TENM2: variants seen among roughly 807,000 people sequenced by gnomAD.
TENM2 encodes teneurin transmembrane protein 2.
In TENM2, 52 loss-of-function variants were observed where a neutral mutation model predicts 245.2. That is an observed-to-expected ratio of 0.21 (90% CI 0.17 to 0.27). The LOEUF (loss-of-function observed/expected upper bound fraction) is 0.27, where lower values mean the gene tolerates loss of function less well. TENM2 is among the 10% of genes least tolerant of loss of function. TENM2 has a pLI of 1.00. For missense variants in TENM2, 3,046 were observed against 3,666.8 expected (o/e 0.83, Z 4.37); for synonymous variants, 1,363 against 1,438.9 (o/e 0.95, Z 1.19).
At chr5:168,030,608 C>CT (rs976563361) in intron 5 of TENM2, among the ~76,000 whole-genome samples, 1 of 152,046 alleles carries the variant, frequency 6.6e-6, no homozygotes, top group Non-Finnish European at 1.5e-5. Flanking sequence ...AGACAGTGAG[C>CT]TTTTTGAGGG....
the TENM2 span, among the ~76,000 whole-genome samples, chr5:167,005,170 G>A: frequency 6.6e-6 from 1 of 152,102 alleles, no homozygotes; most frequent in East Asian, 1.9e-4. Flanking sequence ...TTCGAGCGAG[G>A]GCTTTCTTCG....
At chr5:167,640,883 ATAT>A (rs1779549122) in intron 2 of TENM2, among the ~76,000 whole-genome samples, 2 of 68,158 alleles carry the variant, frequency 2.9e-5, no homozygotes, top group African/African-American at 1.9e-4. Context: ...ATATATATAT[ATAT>A]ATATATATAT....
At chr5:167,597,323 G>A (rs1274161080) in intron 2 of TENM2, among the ~76,000 whole-genome samples, 6 of 151,710 alleles carry the variant, frequency 4.0e-5, no homozygotes, top group South Asian at 2.1e-4. Flanking sequence ...GCACAACCAC[G>A]CCTGGCTCAT....
At chr5:167,845,056 G>A (rs1204835281) in intron 2 of TENM2, among the ~76,000 whole-genome samples, 1 of 152,010 alleles carries the variant, frequency 6.6e-6, no homozygotes, top group East Asian at 1.9e-4. Flanking sequence ...CTGCCAAGGA[G>A]ACCCATCCAG....
At chr5:167,919,306 C>T (rs77567276) in intron 3 of TENM2, among the ~76,000 whole-genome samples, 6,117 of 152,228 alleles carry the variant, frequency 0.04, 199 homozygotes, top group Non-Finnish European at 0.062. Flanking sequence ...GGTCCCTCAC[C>T]CTCTCCCCAC....
chr5:167,798,611 G>A (rs909456399), intron 2 of TENM2, among the ~76,000 whole-genome samples: 6 of 152,278 alleles, frequency 3.9e-5, no homozygotes, highest in South Asian at 2.1e-4. Context: ...AAGACAGAGC[G>A]GGCGTAGTAT....
At chr5:168,017,829 C>T (rs945062344) in intron 5 of TENM2, among the ~76,000 whole-genome samples, 1 of 152,120 alleles carries the variant, frequency 6.6e-6, no homozygotes, top group Non-Finnish European at 1.5e-5. Context: ...AGACTGACTT[C>T]ATCGATCTTT....
intron 19 of TENM2, among the ~76,000 whole-genome samples, chr5:168,205,557 T>A (rs1357333599): frequency 6.6e-6 from 1 of 152,154 alleles, no homozygotes; most frequent in Non-Finnish European, 1.5e-5. Flanking sequence ...CTAGGTCACG[T>A]TTGGCTAGGA....
At chr5:167,203,595 G>A in the TENM2 span, among the ~76,000 whole-genome samples, 150,981 of 152,282 alleles carry the variant, frequency 0.99, 74,850 homozygotes, top group East Asian at 1. Context: ...AAAGTCCTCT[G>A]CATTTTAAGA....
intron 3 of TENM2, among the ~76,000 whole-genome samples, chr5:167,878,721 A>G (rs1437486301): frequency 3.3e-5 from 5 of 152,130 alleles, no homozygotes; most frequent in Admixed American, 1.3e-4. Flanking sequence ...TTTGACACGG[A>G]AGATGCAAAG....
chr5:167,942,742 G>T (rs1437837893), intron 3 of TENM2, among the ~76,000 whole-genome samples: 1 of 152,130 alleles, frequency 6.6e-6, no homozygotes, highest in Non-Finnish European at 1.5e-5. Flanking sequence ...CATAAGAAAG[G>T]TCTTGAGCAC....
At position 167,452,945 on chromosome 5, in the gene TENM2, A is replaced by T. The variant is rs865918123; in HGVS notation, c.502+77472A>T. On this transcript the variant is annotated intron_variant, in intron 2 of 28. Transcript: ENST00000518659. ...TAAAGTATGATTTATATATATATAT[A>T]TATATATATATATATATTTAAAAAA... is the stretch of plus-strand genomic sequence containing the variant. Among the ~76,000 whole-genome samples, 12 of 6,298 alleles carry T rather than the reference A, an allele frequency of 1.9e-3. 1 individual carries two copies. The East Asian group carries it at 0.031, about 16-fold the overall frequency. 4.1% of individuals were successfully genotyped at this position (6,298 alleles called of 152,430 possible). A position where few individuals can be genotyped will look rare whatever the true frequency, so the allele number is the denominator to read the frequency against.
chr5:168,050,682 A>G (rs956596196), intron 6 of TENM2, among the ~76,000 whole-genome samples: 38 of 152,346 alleles, frequency 2.5e-4, no homozygotes, highest in African/African-American at 8.2e-4. Flanking sequence ...CTTTAGGAGT[A>G]TTTACATTCC....
In TENM2 at chr5:167,640,688, G is replaced by A. The variant is rs138384144; in HGVS notation, c.503-235298G>A. Among the ~76,000 whole-genome samples the A allele has an allele frequency of 1.3e-3, 202 of 149,740 alleles. 2 individuals are homozygous for A. In the East Asian group the frequency reaches 0.03, roughly 22 times the overall value. ...CTTGCAATGATAATAATTAAGACCC[G>A]GATACCACTTAGTAACACAGTATAA... On this transcript the variant is annotated intron_variant, in intron 2 of 28. Coordinates refer to ENST00000518659, the Ensembl canonical transcript of TENM2.
chr5:167,620,020 A>T (rs900429804), intron 2 of TENM2, among the ~76,000 whole-genome samples: 3 of 152,162 alleles, frequency 2.0e-5, no homozygotes, highest in Non-Finnish European at 4.4e-5. Context: ...GCAAAGTGTG[A>T]TTAATAATGA....
rs77337823 is a variant in TENM2, at chr5:167,644,519, C to A, written c.503-231467C>A. Among the ~76,000 whole-genome samples the A allele has an allele frequency of 2.9e-4, 44 of 152,308 alleles. No homozygotes were observed. In the East Asian group the frequency reaches 5.0e-3, roughly 17 times the overall value. ...AAAACAATAATAGTAAAGGTGGTGA[C>A]ATGCACTCAGTAAATGGTAGCTACT... On this transcript the variant is annotated intron_variant, in intron 2 of 28. Coordinates refer to ENST00000518659, the Ensembl canonical transcript of TENM2.
chr5:166,979,194 CCAG>C, the TENM2 span, among the ~76,000 whole-genome samples: 24,025 of 141,880 alleles, frequency 0.17, 2,437 homozygotes, highest in East Asian at 0.24. Context: ...AGCACCACCA[CCAG>C]CAGCAGCAGC....
At chr5:167,212,392 C>G in the TENM2 span, among the ~76,000 whole-genome samples, 1 of 152,132 alleles carries the variant, frequency 6.6e-6, no homozygotes, top group Admixed American at 6.6e-5. Flanking sequence ...AATAAATGTG[C>G]CGCACAGATG....
chr5:168,060,545 G>A (rs1789949181), intron 6 of TENM2, among the ~76,000 whole-genome samples: 1 of 152,080 alleles, frequency 6.6e-6, no homozygotes, highest in Admixed American at 6.6e-5. Flanking sequence ...TGTGAAGGAG[G>A]CTTCCAAACT....
Sources: allele counts gnomAD v4.1 joint callset (sites outside exome capture counted in the v4.1 genomes callset), GRCh38; gene constraint gnomAD v4.1.1; transcripts MANE v1.5; gene names NCBI Gene and HGNC (gene_info 2026-07-23, HGNC 2026-07-21).